ADAMTS17: variants seen among roughly 807,000 people sequenced by gnomAD.
ADAMTS17 encodes the protein ADAM metallopeptidase with thrombospondin type 1 motif 17.
ADAMTS17 carries 113 observed loss-of-function variants against 141.5 expected under a neutral mutation model. The ratio of observed to expected loss-of-function variants is 0.80; its 90% CI spans 0.69 to 0.93. ADAMTS17 has a LOEUF of 0.93. ADAMTS17 is among the 40% of genes least tolerant of loss of function. ADAMTS17 has a pLI of 0.00. For missense variants in ADAMTS17, 1,659 were observed against 1,517.9 expected, an observed-to-expected ratio of 1.09 and a Z score of -1.54; for synonymous variants, 768 against 630.6, an observed-to-expected ratio of 1.22 and a Z score of -3.27.
intron 15 of ADAMTS17, among the ~76,000 whole-genome samples, chr15:100,064,366 TGCCACCTAGTTTGCG>T (rs1352966445): frequency 6.6e-6 from 1 of 152,218 alleles, no homozygotes; most frequent in African/African-American, 2.4e-5. Flanking sequence ...CTGGTGCTTA[TGCCACCTAGTTTGCG>T]GCACTTTGTT....
Position 99,997,581 on chromosome 15 carries a change from G to T in ADAMTS17, c.2600C>A (p.Ala867Glu). 6.2e-7 allele frequency: 1 copy of T among 1,612,856 alleles called. No individual in the cohort carries two copies. The highest frequency in any genetic ancestry group is 8.5e-7 in the Non-Finnish European group (1 of 1,179,866). ...CGCCGAGCAGGGGCTCCACGGGCCTGCCACCCACCTGCCAGACGGGAGGAA... is the reference window on the plus strand; with the variant it reads ...CGCCGAGCAGGGGCTCCACGGGCCTTCCACCCACCTGCCAGACGGGAGGAA... ...NLHPCQSRWV[A>E]GPWSPCSATC... Residue 867 changes from alanine to glutamate, a missense_variant, in exon 19 of 22, where the codon GCA (alanine) becomes GAA (glutamate). Transcript: ENST00000268070. The surrounding 1 kb of genome is among the most constrained non-coding windows in gnomAD (Gnocchi z 4.7).
chr15:100,177,134 C>T (rs901623251), intron 8 of ADAMTS17, among the ~76,000 whole-genome samples: 1 of 152,234 alleles, frequency 6.6e-6, no homozygotes, highest in Non-Finnish European at 1.5e-5. Context: ...AAATGCACAA[C>T]AGTGCAATTG....
At chr15:100,211,315 A>G (rs2041802962) in intron 7 of ADAMTS17, among the ~76,000 whole-genome samples, 1 of 150,418 alleles carries the variant, frequency 6.6e-6, no homozygotes, top group African/African-American at 2.4e-5. Context: ...AAAAAAAAAA[A>G]AAAAAGTTAG....
chr15:100,151,838 G>A (rs1490070334), intron 10 of ADAMTS17, among the ~76,000 whole-genome samples: 2 of 152,162 alleles, frequency 1.3e-5, no homozygotes, highest in Non-Finnish European at 2.9e-5. Flanking sequence ...GCCCCTCTTG[G>A]CACCCCTCAC....
At chr15:99,975,324 C>A (rs924996901) in intron 21 of ADAMTS17, among the ~76,000 whole-genome samples, 1 of 152,232 alleles carries the variant, frequency 6.6e-6, no homozygotes, top group African/African-American at 2.4e-5. Context: ...ATTCTCCTGC[C>A]TCAGTCACCT....
chr15:100,208,448 T>C (rs1281111788), intron 7 of ADAMTS17, among the ~76,000 whole-genome samples: 1 of 152,222 alleles, frequency 6.6e-6, no homozygotes, highest in African/African-American at 2.4e-5. Context: ...GCAGGGCTGA[T>C]AGACTCTACT....
intron 7 of ADAMTS17, among the ~76,000 whole-genome samples, chr15:100,200,383 C>G (rs773386880): frequency 6.6e-6 from 1 of 152,072 alleles, no homozygotes; most frequent in Non-Finnish European, 1.5e-5. Context: ...GCAGCCACAG[C>G]AGGGGTGGGG....
At chr15:100,193,894 C>T (rs1007741151) in intron 8 of ADAMTS17, among the ~76,000 whole-genome samples, 16 of 152,222 alleles carry the variant, frequency 1.1e-4, no homozygotes, top group African/African-American at 3.9e-4. Flanking sequence ...CGAGGAGAGG[C>T]TGCAGGAGGC....
intron 10 of ADAMTS17, among the ~76,000 whole-genome samples, chr15:100,148,507 T>G (rs551384389): frequency 6.6e-6 from 1 of 152,058 alleles, no homozygotes; most frequent in Admixed American, 6.5e-5. Flanking sequence ...GGTATAGAAT[T>G]GTAGGCTGAC....
chr15:99,995,731 T>A (rs547731677), intron 19 of ADAMTS17, among the ~76,000 whole-genome samples: 1 of 152,204 alleles, frequency 6.6e-6, no homozygotes, highest in Admixed American at 6.5e-5. Flanking sequence ...AGTCTCACTT[T>A]GGGACTTCAG....
intron 18 of ADAMTS17, among the ~76,000 whole-genome samples, chr15:100,014,876 C>A (rs2061256924): frequency 6.6e-6 from 1 of 152,122 alleles, no homozygotes; most frequent in Admixed American, 6.5e-5. Flanking sequence ...CTTTTAAGTC[C>A]ATTTGTTCCA....
intron 8 of ADAMTS17, among the ~76,000 whole-genome samples, chr15:100,192,457 C>G (rs1379822798): frequency 1.3e-5 from 2 of 152,222 alleles, no homozygotes; most frequent in African/African-American, 4.8e-5. Context: ...CCAGCTAGAA[C>G]AAAAGAATGC....
At chr15:100,196,359 G>A (rs2041115844) in intron 8 of ADAMTS17, among the ~76,000 whole-genome samples, 1 of 152,244 alleles carries the variant, frequency 6.6e-6, no homozygotes, top group African/African-American at 2.4e-5. Flanking sequence ...GACAGCCAAT[G>A]CAGCAACAAA....
chr15:99,989,810 G>A (rs750888010), intron 20 of ADAMTS17, among the ~76,000 whole-genome samples: 11 of 152,338 alleles, frequency 7.2e-5, no homozygotes, highest in South Asian at 2.1e-4. Context: ...CCCCAGAACC[G>A]TGTGAACATT....
chr15:100,297,055 A>G (rs1340887495), intron 3 of ADAMTS17, among the ~76,000 whole-genome samples: 1 of 152,182 alleles, frequency 6.6e-6, no homozygotes, highest in Non-Finnish European at 1.5e-5. Flanking sequence ...GGTTCAAGAA[A>G]GCCTTCCCCA....
chr15:100,263,177 T>G (rs957367788), intron 4 of ADAMTS17, among the ~76,000 whole-genome samples: 2 of 152,130 alleles, frequency 1.3e-5, no homozygotes, highest in African/African-American at 4.8e-5. Flanking sequence ...ATGAAGGGGC[T>G]GGGGGAGACA....
chr15:100,084,077 G>A (rs1476103347), intron 15 of ADAMTS17, among the ~76,000 whole-genome samples: 1 of 152,098 alleles, frequency 6.6e-6, no homozygotes, highest in Non-Finnish European at 1.5e-5. Context: ...AGGGGTCAGG[G>A]AATTCCCCTT....
At chr15:100,280,109 G>C (rs765052686) in intron 4 of ADAMTS17, among the ~76,000 whole-genome samples, 11 of 152,046 alleles carry the variant, frequency 7.2e-5, no homozygotes, top group Non-Finnish European at 1.0e-4. Context: ...AGGCTGAAAA[G>C]CCCAGGTCCC....
chr15:100,331,164 T>TA, intron 2 of ADAMTS17, 110 bp from the exon 3 acceptor site: 1 of 1,385,296 alleles, frequency 7.2e-7, no homozygotes, highest in Non-Finnish European at 1.0e-6. Flanking sequence ...GTTTTCCAGG[T>TA]CTGGGCTCGT....
Sources: gnomAD v4.1 joint callset for allele counts (sites outside exome capture counted in the v4.1 genomes callset) on GRCh38, gnomAD v4.1.1 for gene constraint, Gnocchi (gnomAD v3.1) non-coding constraint, MANE v1.5 for transcripts, NCBI Gene and HGNC (gene_info 2026-07-23, HGNC 2026-07-21) for gene names.